NTRK1: variants seen among roughly 807,000 people sequenced by gnomAD.
The protein encoded by NTRK1 is high affinity nerve growth factor receptor.
NTRK1 carries 62 observed loss-of-function variants against 86.8 expected under a neutral mutation model. The ratio of observed to expected loss-of-function variants is 0.71; its 90% CI spans 0.58 to 0.88. The LOEUF is 0.88. Ranked by LOEUF, NTRK1 falls within the 40% of genes least tolerant of loss-of-function variation. The probability of loss-of-function intolerance (pLI) is 0.00; values close to 1 mark genes in which losing one functional copy is unlikely to be tolerated. For synonymous variants in NTRK1, 469 were observed against 456.6 expected (o/e 1.03, Z -0.35); for missense variants, 967 against 1,078.4 (o/e 0.90, Z 1.45).
intron 12 of NTRK1, 188 bp from the exon 13 acceptor site, chr1:156,875,892 C>G (rs1287755986): frequency 1.8e-6 from 2 of 1,107,502 alleles, no homozygotes; most frequent in East Asian, 5.1e-5. Context: ...ACCATGTCCT[C>G]TCGGGGCAGG....
At chr1:156,816,562 G>A in intron 1 of NTRK1, 1 of 1,027,006 alleles carries the variant, frequency 9.7e-7, no homozygotes, top group East Asian at 2.6e-5. Context: ...GCCAGCTCTG[G>A]CTTAGGGTGG....
intron 1 of NTRK1, among the ~76,000 whole-genome samples, chr1:156,819,669 G>A (rs1218508575): frequency 1.3e-5 from 2 of 151,682 alleles, no homozygotes; most frequent in African/African-American, 2.4e-5. Flanking sequence ...ACAGGCATGC[G>A]CCACCATGCC....
intron 1 of NTRK1, 93 bp downstream of exon 1, chr1:156,861,239 C>A: frequency 7.1e-7 from 1 of 1,415,346 alleles, no homozygotes; most frequent in Non-Finnish European, 9.5e-7. Flanking sequence ...GCTGGTCAGG[C>A]AGGACGAGCA....
chr1:156,857,343 C>T (rs1229998588), upstream of NTRK1, among the ~76,000 whole-genome samples: 1 of 152,344 alleles, frequency 6.6e-6, no homozygotes, highest in Non-Finnish European at 1.5e-5. Context: ...GCGCCCACTT[C>T]CCATCATGCC....
At chr1:156,847,158 A>G (rs796820358) in intron 2 of NTRK1, among the ~76,000 whole-genome samples, 13 of 152,356 alleles carry the variant, frequency 8.5e-5, no homozygotes, top group African/African-American at 2.9e-4. Flanking sequence ...CTCCCTTCCC[A>G]GTGTCTTCAC....
At chr1:156,868,292 G>T in intron 5 of NTRK1, 43 bp downstream of exon 5, 1 of 1,599,454 alleles carries the variant, frequency 6.3e-7, no homozygotes, top group Non-Finnish European at 8.5e-7. Context: ...GGCTGGGGAA[G>T]AGACCTACCT....
chr1:156,870,261 C>T (rs1036239476), intron 6 of NTRK1, among the ~76,000 whole-genome samples: 1 of 152,200 alleles, frequency 6.6e-6, no homozygotes, highest in African/African-American at 2.4e-5. Context: ...ACAAAAGTCA[C>T]TCCCTACTGG....
intron 1 of NTRK1, chr1:156,841,160 A>G: frequency 7.4e-7 from 1 of 1,350,286 alleles, no homozygotes; most frequent in Non-Finnish European, 1.0e-6. Flanking sequence ...CCACGCTCTC[A>G]GCCTCCTGCA....
intron 2 of NTRK1, among the ~76,000 whole-genome samples, chr1:156,842,687 A>C (rs1307165844): frequency 2.6e-5 from 4 of 152,144 alleles, no homozygotes; most frequent in Admixed American, 2.6e-4. Context: ...GACCTTCATC[A>C]TATCTGATGA....
At chr1:156,867,717 G>A (rs1226653626) in intron 4 of NTRK1, among the ~76,000 whole-genome samples, 1 of 151,038 alleles carries the variant, frequency 6.6e-6, no homozygotes, top group Non-Finnish European at 1.5e-5. Context: ...CACCCAGGCT[G>A]GAGTGCAGTG....
intron 1 of NTRK1, among the ~76,000 whole-genome samples, chr1:156,817,214 A>T (rs994472007): frequency 9.2e-5 from 14 of 152,122 alleles, no homozygotes; most frequent in Admixed American, 1.3e-4. Context: ...TTGAGGAGAC[A>T]TGAGGAAGGG....
intron 15 of NTRK1, 115 bp downstream of exon 15, chr1:156,879,477 C>T: frequency 7.3e-7 from 1 of 1,378,784 alleles, no homozygotes; most frequent in Non-Finnish European, 9.8e-7. Flanking sequence ...CTGAGATTCA[C>T]TGGCTCTGGT....
At chr1:156,816,435 C>T (rs1050358728) in intron 1 of NTRK1, among the ~76,000 whole-genome samples, 2 of 152,228 alleles carry the variant, frequency 1.3e-5, no homozygotes, top group African/African-American at 2.4e-5. Flanking sequence ...CTTCATCCTC[C>T]TGCTCCCTCC....
intron 2 of NTRK1, chr1:156,845,457 C>T (rs776217590): frequency 1.3e-6 from 2 of 1,522,750 alleles, no homozygotes; most frequent in East Asian, 4.5e-5. Context: ...TCCGGATGCA[C>T]CCCTGTGCCC....
intron 1 of NTRK1, among the ~76,000 whole-genome samples, chr1:156,863,822 G>T (rs920274628): frequency 1.3e-5 from 2 of 152,166 alleles, no homozygotes; most frequent in African/African-American, 4.8e-5. Flanking sequence ...GCCTTTTGTG[G>T]TAGCAAGTGT....
rs79791704 is a variant in NTRK1, at chr1:156,818,486, C to T, written c.-64+2648C>T. On this transcript the variant is annotated intron_variant, in intron 1 of 16. Coordinates refer to the NTRK1 transcript ENST00000392302. ...AACCTTTTATTCCTCACCCAACCTT[C>T]CCCCCAAGTCCCCAAATTCCCTTAT... 8.3e-3 allele frequency among the ~76,000 whole-genome samples: 1,267 copies of T among 152,226 alleles called. 19 individuals carry two copies. Among genetic ancestry groups the T allele is most frequent in the African/African-American group, 0.029 (1,197 of 41,522 alleles).
intron 1 of NTRK1, among the ~76,000 whole-genome samples, chr1:156,825,521 AG>A (rs1487064762): frequency 6.6e-6 from 1 of 152,208 alleles, no homozygotes; most frequent in Non-Finnish European, 1.5e-5. Context: ...GTCTGCTTTC[AG>A]GGAACAAAAC....
At chr1:156,844,360 G>A (rs1376831097) in intron 2 of NTRK1, 15 of 1,555,238 alleles carry the variant, frequency 9.6e-6, no homozygotes, top group Non-Finnish European at 8.8e-6. Context: ...TTCCATGCTG[G>A]GAGGTGAGGA....
intron 7 of NTRK1, 120 bp downstream of exon 7, chr1:156,871,875 C>G: frequency 7.3e-7 from 1 of 1,363,576 alleles, no homozygotes; most frequent in East Asian, 2.4e-5. Flanking sequence ...GCTGCTCCCT[C>G]CCAGCTGTTT....
Sources: allele counts gnomAD v4.1 joint callset (sites outside exome capture counted in the v4.1 genomes callset), GRCh38; gene constraint gnomAD v4.1.1; transcripts MANE v1.5; gene names NCBI Gene and HGNC (gene_info 2026-07-23, HGNC 2026-07-21).